The following PPP1R2 variants were observed in gnomAD, a reference collection of about 807,000 sequenced individuals.
PPP1R2 encodes protein phosphatase inhibitor 2.
Under a neutral mutation model 29.9 loss-of-function variants are expected in PPP1R2, and 16 were observed. That is an observed-to-expected ratio of 0.53 (90% CI 0.36 to 0.81). The LOEUF is 0.81. PPP1R2 is among the 30% of genes least tolerant of loss of function. The probability of loss-of-function intolerance (pLI) is 0.00; values close to 1 mark genes in which losing one functional copy is unlikely to be tolerated. For synonymous variants in PPP1R2, 76 were observed against 91.5 expected (o/e 0.83, Z 0.96); for missense variants, 197 against 252.7 (o/e 0.78, Z 1.49).
intron 3 of PPP1R2, 112 bp downstream of exon 3, chr3:195,524,707 G>C (rs1204731985): frequency 1.0e-6 from 1 of 979,380 alleles, no homozygotes; most frequent in Non-Finnish European, 1.6e-6. Context: ...AAAACATGTT[G>C]ATCAACAGCC....
chr3:195,541,413 G>C lies in PPP1R2; in HGVS notation c.122+1491C>G, dbSNP rs150822333. On this transcript the variant is annotated intron_variant, in intron 1 of 5. Transcript: ENST00000618156. ...CCCTGAAGCTACATTTGAGCCTTCT[G>C]TAGTTACGTTACTTATCTTTTAATT... Among the ~76,000 whole-genome samples, 685 of 146,804 alleles carry C rather than the reference G, an allele frequency of 4.7e-3. 2 individuals carry two copies. The highest frequency in any genetic ancestry group is 8.0e-3 in the Non-Finnish European group (529 of 66,384).
intron 1 of PPP1R2, among the ~76,000 whole-genome samples, chr3:195,537,481 T>TTTTTTTTTTGTGTGTGTGTGTG (rs150119072): frequency 7.8e-6 from 1 of 128,516 alleles, no homozygotes; most frequent in African/African-American, 3.0e-5. Context: ...GGATTAGCTA[T>TTTTTTTTTTGTGTGTGTGTGTG]TGTGTGTGTG....
At chr3:195,533,347 GAAA>G (rs199627497) in intron 1 of PPP1R2, among the ~76,000 whole-genome samples, 4 of 118,508 alleles carry the variant, frequency 3.4e-5, no homozygotes, top group Non-Finnish European at 3.7e-5. Flanking sequence ...TCTGCCTCAG[GAAA>G]AAAAAAAAAA....
intron 1 of PPP1R2, among the ~76,000 whole-genome samples, chr3:195,532,215 C>CTT (rs146508182): frequency 0.26 from 30,921 of 120,008 alleles, 4,972 homozygotes; most frequent in Admixed American, 0.43. Context: ...TTTTCTTTTT[C>CTT]TTTTTTTTTT....
intron 1 of PPP1R2, among the ~76,000 whole-genome samples, chr3:195,537,144 A>C (rs977754645): frequency 6.6e-6 from 1 of 152,046 alleles, no homozygotes; most frequent in Non-Finnish European, 1.5e-5. Flanking sequence ...AAAACAGTAC[A>C]TACAGTATAT....
intron 2 of PPP1R2, among the ~76,000 whole-genome samples, chr3:195,526,613 A>AT (rs1718980179): frequency 6.6e-6 from 1 of 151,810 alleles, no homozygotes; most frequent in African/African-American, 2.4e-5. Context: ...CTATTCTGAA[A>AT]TTTTTTTTCT....
intron 1 of PPP1R2, among the ~76,000 whole-genome samples, chr3:195,538,312 C>T (rs1167832736): frequency 6.6e-6 from 1 of 152,172 alleles, no homozygotes; most frequent in Non-Finnish European, 1.5e-5. Flanking sequence ...TAAGTTGTGA[C>T]TGTGTCTGGA....
At chr3:195,525,850 T>C (rs1387113229) in intron 2 of PPP1R2, among the ~76,000 whole-genome samples, 1 of 152,224 alleles carries the variant, frequency 6.6e-6, no homozygotes, top group Non-Finnish European at 1.5e-5. Flanking sequence ...GTCTATAGTT[T>C]AGATGACGTT....
At chr3:195,530,162 T>C (rs980246439) in intron 1 of PPP1R2, among the ~76,000 whole-genome samples, 1 of 152,182 alleles carries the variant, frequency 6.6e-6, no homozygotes, top group Non-Finnish European at 1.5e-5. Flanking sequence ...ATTCAAAACA[T>C]TACCATACTA....
At chr3:195,521,314 CA>C (rs869228346) in intron 4 of PPP1R2, among the ~76,000 whole-genome samples, 1,895 of 56,352 alleles carry the variant, frequency 0.034, 15 homozygotes, top group African/African-American at 0.12. Flanking sequence ...GACTCTGTCT[CA>C]AAAAAAAAAA....
At chr3:195,518,409 T>C (rs1423975618) in intron 5 of PPP1R2, among the ~76,000 whole-genome samples, 1 of 152,138 alleles carries the variant, frequency 6.6e-6, no homozygotes, top group Non-Finnish European at 1.5e-5. Flanking sequence ...CCCAGCACTT[T>C]GGGAGGCCGA....
chr3:195,529,832 A>G lies in PPP1R2; in HGVS notation c.192T>C (p.Gly64=). The change falls in exon 2 of 6, where the codon GGT becomes GGC. Residue 64 remains glycine (G), a synonymous_variant. Coordinates refer to ENST00000618156, the MANE Select transcript of PPP1R2 (RefSeq NM_006241.8). ...TGCTTGGTTCATCTATTTTCATTAA[A>G]CCATAGTCTTTGTCTGCTGGATGAT... ...ATYHPADKDY[G]LMKIDEPSTP... is the part of the protein sequence containing the mutation. The G allele has an allele frequency of 6.2e-7, 1 of 1,610,668 alleles. No individual in the cohort carries two copies. Among genetic ancestry groups the G allele is most frequent in the Non-Finnish European group, 8.5e-7 (1 of 1,179,332 alleles).
chr3:195,527,436 TGA>T (rs768041487), intron 2 of PPP1R2, among the ~76,000 whole-genome samples: 3 of 151,450 alleles, frequency 2.0e-5, no homozygotes, highest in Non-Finnish European at 4.4e-5. Flanking sequence ...GGTGACAGAG[TGA>T]GACTCTGTCT....
Position 195,515,775 on chromosome 3 carries a change from A to C in PPP1R2, c.*1121T>G, listed in dbSNP as rs1418198673. ...CAAAAAACAAACAAAAAAAACCCTC[A>C]GTTAGTTGTTTTCTTAAGTCTAATT... On this transcript the variant is annotated 3_prime_UTR_variant, in exon 6 of 6. Transcript: ENST00000618156. 3 of 152,122 alleles carry C rather than the reference A, an allele frequency of 2.0e-5. No individual in the cohort carries two copies. The highest frequency in any genetic ancestry group is 4.4e-5 in the Non-Finnish European group (3 of 67,976). 9.4% of individuals were successfully genotyped at this position (152,122 alleles called of 1,614,324 possible).
At chr3:195,519,415 T>C (rs1718671997) in intron 4 of PPP1R2, 1 of 416,388 alleles carries the variant, frequency 2.4e-6, no homozygotes, top group South Asian at 4.9e-5. Flanking sequence ...AACAAGAATA[T>C]ATCCAGCCAT....
At chr3:195,530,549 G>A (rs1004378725) in intron 1 of PPP1R2, among the ~76,000 whole-genome samples, 14 of 152,146 alleles carry the variant, frequency 9.2e-5, no homozygotes, top group South Asian at 2.1e-4. Context: ...GTTTTGAGAC[G>A]GAGTCTCACT....
At chr3:195,528,700 C>CTTTTTTTTTTTTTTTTT (rs767313014) in intron 2 of PPP1R2, 13 of 76,640 alleles carry the variant, frequency 1.7e-4, no homozygotes, top group South Asian at 1.1e-3. Flanking sequence ...TAGGGCATAA[C>CTTTTTTTTTTTTTTTTT]TATTTTTTTT....
Position 195,516,054 on chromosome 3 carries a change from T to G in PPP1R2, c.*842A>C, listed in dbSNP as rs560296590. The G allele has an allele frequency of 6.6e-6, 1 of 152,164 alleles. No homozygotes were observed. Among genetic ancestry groups the G allele is most frequent in the Non-Finnish European group, 1.5e-5 (1 of 67,982 alleles). 9.4% of individuals were successfully genotyped at this position (152,164 alleles called of 1,614,324 possible). ...ATCCTTTAAAAGGTAGAAGATTGTG[T>G]GCGTATGTGTGGAAAGGAGTAGGAA... is the stretch of plus-strand genomic sequence containing the variant. On this transcript the variant is annotated 3_prime_UTR_variant, in exon 6 of 6. Coordinates refer to ENST00000618156, the MANE Select transcript of PPP1R2 (RefSeq NM_006241.8).
intron 1 of PPP1R2, among the ~76,000 whole-genome samples, chr3:195,537,382 T>C (rs771216073): frequency 2.0e-5 from 3 of 152,162 alleles, no homozygotes; most frequent in Non-Finnish European, 4.4e-5. Context: ...TTAAGAACTT[T>C]ATAGTTCACT....
Sources: allele counts gnomAD v4.1 joint callset (sites outside exome capture counted in the v4.1 genomes callset), GRCh38; gene constraint gnomAD v4.1.1; transcripts MANE v1.5; gene names NCBI Gene and HGNC (gene_info 2026-07-23, HGNC 2026-07-21).